The following FOCAD variants were observed in gnomAD, a reference collection of about 807,000 sequenced individuals.
FOCAD encodes KIAA1797.
FOCAD carries 198 observed loss-of-function variants against 225.6 expected under a neutral mutation model. The ratio of observed to expected loss-of-function variants is 0.88; its 90% CI spans 0.78 to 0.99. FOCAD has a LOEUF of 0.99. FOCAD is among the 50% of genes least tolerant of loss of function. FOCAD has a pLI of 0.00. For missense variants in FOCAD, 2,713 were observed against 2,123.6 expected (o/e 1.28, Z -5.46); for synonymous variants, 897 against 755.0 (o/e 1.19, Z -3.08).
intron 41 of FOCAD, among the ~76,000 whole-genome samples, chr9:20,988,699 C>G (rs1036207507): frequency 3.9e-5 from 6 of 151,964 alleles, no homozygotes; most frequent in Admixed American, 6.6e-5. Context: ...CAAGGCTGCC[C>G]TTTGAGAAAT....
chr9:20,958,558 C>T (rs1838409740), intron 35 of FOCAD, among the ~76,000 whole-genome samples: 1 of 152,114 alleles, frequency 6.6e-6, no homozygotes, highest in Non-Finnish European at 1.5e-5. Context: ...AATTCCTCCT[C>T]CTAGCTACTT....
rs575131714 is a variant in FOCAD, at chr9:20,815,893, A to T, written c.1456-3903A>T. ...AAGGAAATAATAATAATAAAAAATT[A>T]GTCCATCTTTTATGTAAAATTATTT... On this transcript the variant is annotated intron_variant, in intron 11 of 43. Transcript: ENST00000338382. 1.5e-3 allele frequency among the ~76,000 whole-genome samples: 224 copies of T among 152,310 alleles called. 4 individuals carry two copies. Among genetic ancestry groups the T allele is most frequent in the Non-Finnish European group, 2.8e-4 (19 of 68,012 alleles).
intron 1 of FOCAD, among the ~76,000 whole-genome samples, chr9:20,700,396 A>AT (rs577044055): frequency 2.0e-3 from 265 of 135,108 alleles, no homozygotes; most frequent in African/African-American, 6.0e-3. Flanking sequence ...GTGTTCTTTG[A>AT]TTTTTTTTTT....
chr9:20,912,373 C>T (rs1833507655), intron 22 of FOCAD, among the ~76,000 whole-genome samples: 1 of 151,966 alleles, frequency 6.6e-6, no homozygotes, highest in South Asian at 2.1e-4. Flanking sequence ...TAAGTTCACT[C>T]AAGAAATAGA....
Position 20,862,698 on chromosome 9 carries a change from A to G in FOCAD, c.2041A>G (p.Thr681Ala). 6.2e-7 allele frequency: 1 copy of G among 1,612,550 alleles called. No individual in the cohort carries two copies. The highest frequency in any genetic ancestry group is 8.5e-7 in the Non-Finnish European group (1 of 1,179,194). ...TCTAGTTCCTTCCTTAACGGTCAAT[A>G]CAACTGAATATGAGGTATGCATTTG... ...FSLVPSLTVN[T>A]TEYENFKVQV... is the part of the protein sequence containing the mutation. The change falls in exon 16 of 44, where the codon ACA (threonine) becomes GCA (alanine). Residue 681 changes from threonine (T) to alanine (A), a missense_variant. Transcript: ENST00000338382.
rs560008913 is a variant in FOCAD at position 20,957,438 on chromosome 9, C to T, written c.4132+4373C>T. ...TAAACTTAATCATTTTCGTATTGGT[C>T]ATTTTTAAAATTTCAATTTTAGTGA... On this transcript the variant is annotated intron_variant, in intron 35 of 43. Transcript: ENST00000338382. 7.0e-4 allele frequency: 99 copies of T among 140,584 alleles called. 1 individual carries two copies. Among genetic ancestry groups the T allele is most frequent in the African/African-American group, 2.5e-3 (96 of 37,978 alleles). 8.7% of individuals were successfully genotyped at this position (140,584 alleles called of 1,614,324 possible).
chr9:20,765,459 C>G (rs1307157833), intron 7 of FOCAD, among the ~76,000 whole-genome samples: 3 of 151,866 alleles, frequency 2.0e-5, no homozygotes, highest in Non-Finnish European at 4.4e-5. Context: ...AAAGATGTGT[C>G]TCAGAGCATA....
intron 16 of FOCAD, among the ~76,000 whole-genome samples, chr9:20,863,762 A>T (rs188634402): frequency 1.2e-4 from 19 of 152,188 alleles, no homozygotes; most frequent in African/African-American, 4.3e-4. Context: ...CTAAGACTAA[A>T]AGCCAATGTA....
At chr9:20,938,918 A>T (rs977316081) in intron 28 of FOCAD, among the ~76,000 whole-genome samples, 1 of 151,580 alleles carries the variant, frequency 6.6e-6, no homozygotes, top group Non-Finnish European at 1.5e-5. Flanking sequence ...ACCCTTAAAA[A>T]TGATAAAGAT....
intron 15 of FOCAD, among the ~76,000 whole-genome samples, chr9:20,826,839 A>T (rs1824942437): frequency 6.6e-6 from 1 of 152,036 alleles, no homozygotes; most frequent in Admixed American, 6.6e-5. Flanking sequence ...AGTTTTATTT[A>T]TCATTACGCT....
chr9:20,823,791 G>T (rs774314656), intron 15 of FOCAD, among the ~76,000 whole-genome samples: 1 of 152,046 alleles, frequency 6.6e-6, no homozygotes, highest in African/African-American at 2.4e-5. Flanking sequence ...TTAAGGTTAT[G>T]GTCAGTTATG....
intron 2 of FOCAD, among the ~76,000 whole-genome samples, chr9:20,665,226 A>G (rs931812648): frequency 1.3e-5 from 2 of 152,196 alleles, no homozygotes; most frequent in Non-Finnish European, 2.9e-5. Flanking sequence ...AAAGACCTAG[A>G]ATAATTGTAT....
At chr9:20,733,462 CCTCTT>C in intron 4 of FOCAD, among the ~76,000 whole-genome samples, 1 of 152,024 alleles carries the variant, frequency 6.6e-6, no homozygotes, top group East Asian at 1.9e-4. Flanking sequence ...CCCATTAACT[CCTCTT>C]TTAGCATTAG....
At chr9:20,893,081 A>C (rs769496326) in intron 21 of FOCAD, among the ~76,000 whole-genome samples, 3 of 152,076 alleles carry the variant, frequency 2.0e-5, no homozygotes, top group Non-Finnish European at 4.4e-5. Flanking sequence ...GTGACTATCC[A>C]CAGGTGCAGT....
intron 15 of FOCAD, among the ~76,000 whole-genome samples, chr9:20,831,790 A>T (rs1825518316): frequency 6.6e-6 from 1 of 152,096 alleles, no homozygotes; most frequent in African/African-American, 2.4e-5. Flanking sequence ...AAGCTTACTA[A>T]AATCAATTTT....
intron 35 of FOCAD, among the ~76,000 whole-genome samples, chr9:20,960,042 A>T (rs1028375658): frequency 2.6e-5 from 4 of 152,186 alleles, no homozygotes; most frequent in African/African-American, 9.7e-5. Context: ...AAGTTTCATC[A>T]ACAATCCCAG....
At chr9:20,857,927 T>A (rs1254497117) in intron 15 of FOCAD, among the ~76,000 whole-genome samples, 2 of 152,036 alleles carry the variant, frequency 1.3e-5, no homozygotes, top group Non-Finnish European at 2.9e-5. Context: ...CATCCTTGCA[T>A]CCCTGGGATG....
upstream of FOCAD, among the ~76,000 whole-genome samples, chr9:20,679,792 G>A (rs1427758753): frequency 1.3e-5 from 2 of 152,172 alleles, no homozygotes; most frequent in Non-Finnish European, 2.9e-5. Context: ...ACAATGTCTA[G>A]AAAATACAGA....
At chr9:20,955,195 C>T (rs1026050225) in intron 35 of FOCAD, among the ~76,000 whole-genome samples, 18 of 152,144 alleles carry the variant, frequency 1.2e-4, no homozygotes, top group African/African-American at 4.1e-4. Context: ...TTCATTGTCT[C>T]TGCTTGCTAC....
Sources: gnomAD v4.1 joint callset for allele counts (sites outside exome capture counted in the v4.1 genomes callset) on GRCh38, gnomAD v4.1.1 for gene constraint, MANE v1.5 for transcripts, NCBI Gene and HGNC (gene_info 2026-07-23, HGNC 2026-07-21) for gene names.